Variants in SYNPR observed in about 807,000 individuals in gnomAD.
SYNPR encodes the protein synaptoporin.
In SYNPR, 23 loss-of-function variants were observed where a neutral mutation model predicts 32.9. The ratio of observed to expected loss-of-function variants is 0.70; its 90% CI spans 0.50 to 0.99. The LOEUF (loss-of-function observed/expected upper bound fraction) is 0.99, where lower values mean the gene tolerates loss of function less well. Ranked by LOEUF, SYNPR falls within the 50% of genes least tolerant of loss-of-function variation. SYNPR has a pLI of 0.00. For synonymous variants in SYNPR, 146 were observed against 135.9 expected (o/e 1.07, Z -0.52); for missense variants, 318 against 349.3 (o/e 0.91, Z 0.71).
intron 4 of SYNPR, among the ~76,000 whole-genome samples, chr3:63,577,855 G>A (rs762599827): frequency 3.0e-4 from 45 of 152,120 alleles, no homozygotes; most frequent in East Asian, 3.9e-4. Flanking sequence ...CGTAGGAGAC[G>A]GGTATTAGCA....
At chr3:63,580,985 G>C (rs559435393) in intron 4 of SYNPR, among the ~76,000 whole-genome samples, 2 of 152,260 alleles carry the variant, frequency 1.3e-5, no homozygotes, top group African/African-American at 4.8e-5. Context: ...GGCGGTATAG[G>C]GATCTTGGCT....
intron 3 of SYNPR, among the ~76,000 whole-genome samples, chr3:63,520,469 T>C (rs71298659): frequency 0.088 from 13,396 of 152,050 alleles, 811 homozygotes; most frequent in Admixed American, 0.18. Flanking sequence ...GGTCAGGAGT[T>C]CGAGACCAGC....
At chr3:63,596,613 A>G (rs566214708) in intron 4 of SYNPR, among the ~76,000 whole-genome samples, 8 of 152,190 alleles carry the variant, frequency 5.3e-5, no homozygotes, top group African/African-American at 1.9e-4. Context: ...TTGCTTTCAG[A>G]CCAGACCACT....
At chr3:63,558,718 T>C (rs1046227651) in intron 4 of SYNPR, among the ~76,000 whole-genome samples, 15 of 152,164 alleles carry the variant, frequency 9.9e-5, no homozygotes, top group East Asian at 1.9e-4. Flanking sequence ...ATAATACTTG[T>C]AGTGATCACT....
intron 3 of SYNPR, among the ~76,000 whole-genome samples, chr3:63,523,544 C>G (rs553699012): frequency 2.6e-5 from 4 of 152,248 alleles, no homozygotes; most frequent in Admixed American, 6.5e-5. Flanking sequence ...CCATCAGAAC[C>G]CTGACAGATG....
At chr3:63,473,203 C>A (rs1177927950) in intron 2 of SYNPR, among the ~76,000 whole-genome samples, 1 of 152,168 alleles carries the variant, frequency 6.6e-6, no homozygotes, top group Non-Finnish European at 1.5e-5. Context: ...CTGGTTTCTG[C>A]TTAGCTATCC....
rs80115418 is a variant in SYNPR at position 63,557,993 on chromosome 3, G to A, written c.408+1252G>A. ...AAAGCTGGTTAGATAACTAAGATGAGTTAATGTCTTTCTTGAGAGACTGCA... is the reference window on the plus strand; with the variant it reads ...AAAGCTGGTTAGATAACTAAGATGAATTAATGTCTTTCTTGAGAGACTGCA... On this transcript the variant is annotated intron_variant, in intron 4 of 5. Transcript: ENST00000478300. Among the ~76,000 whole-genome samples the A allele has an allele frequency of 2.1e-3, 325 of 152,364 alleles. 10 individuals are homozygous for A. In the East Asian group the frequency reaches 0.057, roughly 27 times the overall value.
At chr3:63,363,326 T>G (rs918956326) in intron 2 of SYNPR, among the ~76,000 whole-genome samples, 1 of 152,366 alleles carries the variant, frequency 6.6e-6, no homozygotes, top group South Asian at 2.1e-4. Context: ...TCACAATTTA[T>G]GCATAATCTC....
intron 3 of SYNPR, among the ~76,000 whole-genome samples, chr3:63,269,902 T>G (rs1016321682): frequency 1.3e-5 from 2 of 152,218 alleles, no homozygotes; most frequent in Non-Finnish European, 2.9e-5. Flanking sequence ...CTGTGCCTAT[T>G]ATGTGCCAGA....
intron 2 of SYNPR, among the ~76,000 whole-genome samples, chr3:63,467,810 A>T (rs866290107): frequency 1.6e-4 from 25 of 152,284 alleles, no homozygotes; most frequent in African/African-American, 5.8e-4. Flanking sequence ...TACACAATCC[A>T]AATGCATTGT....
intron 2 of SYNPR, among the ~76,000 whole-genome samples, chr3:63,294,878 A>G (rs779008940): frequency 1.3e-5 from 2 of 152,160 alleles, no homozygotes; most frequent in Non-Finnish European, 2.9e-5. Context: ...CACTTCATGT[A>G]TATATGTGGC....
intron 3 of SYNPR, among the ~76,000 whole-genome samples, chr3:63,495,566 G>A (rs1559516919): frequency 6.6e-6 from 1 of 152,140 alleles, no homozygotes; most frequent in Non-Finnish European, 1.5e-5. Flanking sequence ...CTCTGTACAC[G>A]TGTTTTATTT....
At chr3:63,413,099 T>TA (rs1350062807) in intron 2 of SYNPR, among the ~76,000 whole-genome samples, 1 of 152,226 alleles carries the variant, frequency 6.6e-6, no homozygotes, top group Non-Finnish European at 1.5e-5. Flanking sequence ...TTATTCTTTT[T>TA]ATGGTTAAAT....
At chr3:63,531,670 T>C (rs1038745562) in intron 3 of SYNPR, among the ~76,000 whole-genome samples, 14 of 152,172 alleles carry the variant, frequency 9.2e-5, no homozygotes, top group African/African-American at 3.4e-4. Flanking sequence ...TTTGCACTCA[T>C]TGGGCCCAAG....
At chr3:63,398,209 A>G (rs2107096602) in intron 2 of SYNPR, among the ~76,000 whole-genome samples, 1 of 152,348 alleles carries the variant, frequency 6.6e-6, no homozygotes, top group Non-Finnish European at 1.5e-5. Flanking sequence ...AATTCAAAAG[A>G]AGACAAAGTA....
chr3:63,540,033 T>C (rs1245628603), intron 3 of SYNPR, among the ~76,000 whole-genome samples: 3 of 152,132 alleles, frequency 2.0e-5, no homozygotes, highest in Non-Finnish European at 4.4e-5. Context: ...GTAGGAGGCA[T>C]ATCAATATCT....
At chr3:63,418,194 A>G (rs1396902110) in intron 2 of SYNPR, among the ~76,000 whole-genome samples, 2 of 152,128 alleles carry the variant, frequency 1.3e-5, no homozygotes, top group Non-Finnish European at 2.9e-5. Flanking sequence ...AGTTCCACAA[A>G]TCTCTGGGGT....
At chr3:63,611,230 G>T (rs1181258930) in intron 5 of SYNPR, among the ~76,000 whole-genome samples, 2 of 152,210 alleles carry the variant, frequency 1.3e-5, no homozygotes, top group East Asian at 3.8e-4. Context: ...GCAGAATCTA[G>T]AGCAGAATGA....
At chr3:63,307,977 T>C (rs2086923874) in intron 2 of SYNPR, among the ~76,000 whole-genome samples, 1 of 152,022 alleles carries the variant, frequency 6.6e-6, no homozygotes, top group African/African-American at 2.4e-5. Context: ...TAAGGACTTT[T>C]ATCCAAGTAA....
Sources: allele counts gnomAD v4.1 joint callset (sites outside exome capture counted in the v4.1 genomes callset), GRCh38; gene constraint gnomAD v4.1.1; transcripts MANE v1.5; gene names NCBI Gene and HGNC (gene_info 2026-07-23, HGNC 2026-07-21).